The following MSMO1 variants were observed in gnomAD, a reference collection of about 807,000 sequenced individuals.
The protein encoded by MSMO1 is C-4 methylsterol oxidase.
In MSMO1, 18 loss-of-function variants were observed where a neutral mutation model predicts 30.4. That is an observed-to-expected ratio of 0.59 (90% CI 0.41 to 0.88). The LOEUF (loss-of-function observed/expected upper bound fraction) is 0.88. Ranked by LOEUF, MSMO1 falls within the 40% of genes least tolerant of loss-of-function variation. The pLI is 0.00. For synonymous variants in MSMO1, 84 were observed against 107.9 expected, an observed-to-expected ratio of 0.78 and a Z score of 1.37; for missense variants, 284 against 340.5, an observed-to-expected ratio of 0.83 and a Z score of 1.31.
intron 1 of MSMO1, among the ~76,000 whole-genome samples, chr4:165,330,913 A>G (rs1323485315): frequency 6.6e-6 from 1 of 152,200 alleles, no homozygotes; most frequent in Admixed American, 6.5e-5. Context: ...CTTTATGTAG[A>G]GCTCTCCTTT....
At chr4:165,333,813 T>C (rs1747466356) in intron 2 of MSMO1, among the ~76,000 whole-genome samples, 188 bp downstream of exon 2, 1 of 152,224 alleles carries the variant, frequency 6.6e-6, no homozygotes, top group Non-Finnish European at 1.5e-5. Flanking sequence ...ATTAATTTCA[T>C]AATGTGTATC....
chr4:165,342,821 C>T lies in MSMO1; in HGVS notation c.*875C>T, dbSNP rs1747752643. The T allele has an allele frequency of 6.6e-6, 1 of 152,192 alleles. No homozygotes were observed. Among genetic ancestry groups the T allele is most frequent in the Non-Finnish European group, 1.5e-5 (1 of 68,040 alleles). The allele number at this position is 152,192 out of a possible 1,614,324, so 9.4% of individuals were successfully genotyped here. On this transcript the variant is annotated 3_prime_UTR_variant, in exon 6 of 6. Transcript: ENST00000261507. ...GCTGACCAGTTTGAGCTGATTCTCTCTTTGAAGAGTCCTTCTTGATTGCAG... is the reference window on the plus strand; with the variant it reads ...GCTGACCAGTTTGAGCTGATTCTCTTTTTGAAGAGTCCTTCTTGATTGCAG...
Position 165,331,935 on chromosome 4 carries a change from TCTGTCTTCCGTAACACTCTCCCCTA to T in MSMO1, c.-31-1403_-31-1379del, listed in dbSNP as rs1159941925. On this transcript the variant is annotated intron_variant, in intron 1 of 5. Coordinates refer to ENST00000261507, the MANE Select transcript of MSMO1 (RefSeq NM_006745.5). ...AACACTATTTCCTACCCCGCCGCGC[TCTGTCTTCCGTAACACTCTCCCCTA>T]CCCCGTCGCCACTCTGTCTTCCATA... is the stretch of plus-strand genomic sequence containing the variant. Among the ~76,000 whole-genome samples the T allele has an allele frequency of 5.8e-3, 873 of 149,816 alleles. 11 individuals are homozygous for T. Among genetic ancestry groups the T allele is most frequent in the African/African-American group, 0.021 (814 of 39,366 alleles).
At chr4:165,330,750 G>A (rs58033610) in intron 1 of MSMO1, among the ~76,000 whole-genome samples, 11,835 of 152,038 alleles carry the variant, frequency 0.078, 505 homozygotes, top group African/African-American at 0.091. Context: ...TTGGTGCCCA[G>A]GCTAGAGTGC....
chr4:165,336,720 G>C (rs1187112768), intron 2 of MSMO1, among the ~76,000 whole-genome samples: 1 of 152,186 alleles, frequency 6.6e-6, no homozygotes, highest in Non-Finnish European at 1.5e-5. Flanking sequence ...TGAAGAAACT[G>C]AGTTGTAAAC....
chr4:165,339,478 G>A (rs998123200), intron 4 of MSMO1, among the ~76,000 whole-genome samples: 1 of 152,054 alleles, frequency 6.6e-6, no homozygotes, highest in Non-Finnish European at 1.5e-5. Context: ...ATTACATGGT[G>A]TGCCAAATCA....
intron 5 of MSMO1, 129 bp downstream of exon 5, chr4:165,340,504 A>G (rs542616492): frequency 2.5e-6 from 2 of 796,512 alleles, no homozygotes; most frequent in Admixed American, 2.6e-5. Flanking sequence ...TTAAGAAAAC[A>G]TAACTGTTGG....
At chr4:165,333,751 A>G (rs949626361) in intron 2 of MSMO1, 126 bp downstream of exon 2, 3 of 1,061,864 alleles carry the variant, frequency 2.8e-6, no homozygotes, top group Non-Finnish European at 3.9e-6. Context: ...CCACGTATGT[A>G]ATTTTAAATT....
chr4:165,340,067 T>A (rs531661081), intron 4 of MSMO1, among the ~76,000 whole-genome samples, 154 bp from the exon 5 acceptor site: 72 of 152,338 alleles, frequency 4.7e-4, no homozygotes, highest in African/African-American at 1.7e-3. Context: ...GTCTACTGAT[T>A]TAAATGTTAA....
intron 5 of MSMO1, among the ~76,000 whole-genome samples, chr4:165,341,485 C>T (rs2126629392): frequency 6.6e-6 from 1 of 152,226 alleles, no homozygotes; most frequent in Middle Eastern, 3.4e-3. Flanking sequence ...AGATTCATTA[C>T]TATAATCCGT....
At chr4:165,330,331 T>G (rs570645154) in intron 1 of MSMO1, among the ~76,000 whole-genome samples, 14 of 152,380 alleles carry the variant, frequency 9.2e-5, no homozygotes, top group African/African-American at 3.4e-4. Context: ...GGTAGCATGC[T>G]TTGAACACAG....
chr4:165,334,207 T>C (rs970875814), intron 2 of MSMO1, among the ~76,000 whole-genome samples: 1 of 152,250 alleles, frequency 6.6e-6, no homozygotes, highest in Non-Finnish European at 1.5e-5. Context: ...TTTTAGTCTA[T>C]CTCAATTTAG....
At chr4:165,334,664 T>C (rs911663754) in intron 2 of MSMO1, among the ~76,000 whole-genome samples, 4 of 152,246 alleles carry the variant, frequency 2.6e-5, no homozygotes, top group African/African-American at 7.2e-5. Flanking sequence ...GCCTGTGAGC[T>C]TGACGTGAGA....
chr4:165,339,619 G>A (rs927104693), intron 4 of MSMO1, among the ~76,000 whole-genome samples: 12 of 152,152 alleles, frequency 7.9e-5, no homozygotes, highest in Non-Finnish European at 1.6e-4. Context: ...TTGATGTGGA[G>A]TAAGGTATTT....
chr4:165,335,082 G>C lies in MSMO1; in HGVS notation c.255+1457G>C, dbSNP rs75593034. 7.1e-3 allele frequency among the ~76,000 whole-genome samples: 1,083 copies of C among 152,254 alleles called. 14 individuals carry two copies. The highest frequency in any genetic ancestry group is 0.025 in the African/African-American group (1,037 of 41,534). On this transcript the variant is annotated intron_variant, in intron 2 of 5. Transcript: ENST00000261507. ...TAAAGTATACGAGAGGATTCGTGTA[G>C]GTTATGTCAAATACTATGTCATTTT...
At chr4:165,339,096 C>CTTTTTTTGTTTTTT (rs1747643167) in intron 4 of MSMO1, among the ~76,000 whole-genome samples, 1 of 60,510 alleles carries the variant, frequency 1.7e-5, no homozygotes, top group Non-Finnish European at 2.7e-5. Flanking sequence ...ATGAGCACTG[C>CTTTTTTTGTTTTTT]TTTTTTTTTT....
intron 5 of MSMO1, among the ~76,000 whole-genome samples, 196 bp from the exon 6 acceptor site, chr4:165,341,555 A>AT (rs1300066346): frequency 1.3e-5 from 2 of 151,628 alleles, no homozygotes; most frequent in African/African-American, 4.8e-5. Context: ...TTTTTTAAGG[A>AT]TTTTTTTTCT....
chr4:165,332,352 A>G (rs1395288306), intron 1 of MSMO1, among the ~76,000 whole-genome samples: 2 of 152,220 alleles, frequency 1.3e-5, no homozygotes, highest in African/African-American at 2.4e-5. Flanking sequence ...AAATGGCTGT[A>G]TAATTGTCTA....
intron 1 of MSMO1, among the ~76,000 whole-genome samples, chr4:165,328,704 A>G (rs1007077523): frequency 1.3e-5 from 2 of 152,192 alleles, no homozygotes; most frequent in East Asian, 3.8e-4. Context: ...AGGAAATTCA[A>G]TTTTCCAAGA....
Sources: gnomAD v4.1 joint callset for allele counts (sites outside exome capture counted in the v4.1 genomes callset) on GRCh38, gnomAD v4.1.1 for gene constraint, MANE v1.5 for transcripts, NCBI Gene and HGNC (gene_info 2026-07-23, HGNC 2026-07-21) for gene names.